The following SGCD variants were observed in gnomAD, a reference collection of about 807,000 sequenced individuals.
SGCD encodes the protein sarcoglycan delta.
SGCD carries 18 observed loss-of-function variants against 36.6 expected under a neutral mutation model. The observed-to-expected ratio is 0.49, with a 90% CI of 0.34 to 0.73. The LOEUF (loss-of-function observed/expected upper bound fraction) is 0.73. Ranked by LOEUF, SGCD falls within the 30% of genes least tolerant of loss-of-function variation. The pLI is 0.01. For missense variants in SGCD, 387 were observed against 346.7 expected, an observed-to-expected ratio of 1.12 and a Z score of -0.92; for synonymous variants, 133 against 130.6, an observed-to-expected ratio of 1.02 and a Z score of -0.12.
chr5:156,332,202 C>T (rs987819232), intron 2 of SGCD, among the ~76,000 whole-genome samples: 1 of 152,220 alleles, frequency 6.6e-6, no homozygotes, highest in Admixed American at 6.5e-5. Flanking sequence ...CTGATACAAA[C>T]AGCAGGTCAT....
chr5:156,425,765 G>A (rs900917889), intron 3 of SGCD, among the ~76,000 whole-genome samples: 4 of 151,682 alleles, frequency 2.6e-5, no homozygotes, highest in Admixed American at 6.6e-5. Flanking sequence ...CTTAGCCTTC[G>A]TATTCTCATA....
upstream of SGCD, among the ~76,000 whole-genome samples, chr5:156,326,289 G>C (rs76169209): frequency 0.036 from 5,408 of 152,234 alleles, 299 homozygotes; most frequent in African/African-American, 0.12. Context: ...TTGAGGGAGT[G>C]TCATCCAGAA....
chr5:156,704,492 T>TG (rs536661327), intron 7 of SGCD, among the ~76,000 whole-genome samples: 333 of 152,170 alleles, frequency 2.2e-3, no homozygotes, highest in African/African-American at 7.7e-3. Context: ...GTGGAAGAGG[T>TG]GGAGCCCCAC....
intron 7 of SGCD, among the ~76,000 whole-genome samples, chr5:156,707,561 T>G (rs918692273): frequency 6.6e-6 from 1 of 152,150 alleles, no homozygotes; most frequent in African/African-American, 2.4e-5. Context: ...AGAAATAAAT[T>G]TGAAATAATG....
At chr5:156,738,007 C>CAAAT (rs1473270930) in intron 7 of SGCD, among the ~76,000 whole-genome samples, 1 of 152,030 alleles carries the variant, frequency 6.6e-6, no homozygotes, top group African/African-American at 2.4e-5. Flanking sequence ...ATGAAAAATC[C>CAAAT]AAATAACATT....
chr5:155,941,574 T>A, intron 1 of SGCD, among the ~76,000 whole-genome samples: 1 of 151,138 alleles, frequency 6.6e-6, no homozygotes, highest in African/African-American at 2.4e-5. Flanking sequence ...CTGTTAATAA[T>A]CAATATTATT....
Position 156,590,775 on chromosome 5 carries a change from C to T in SGCD, c.382+1457C>T, listed in dbSNP as rs185769108. 2.3e-3 allele frequency among the ~76,000 whole-genome samples: 346 copies of T among 151,720 alleles called. 3 individuals carry two copies. The highest frequency in any genetic ancestry group is 6.2e-3 in the Admixed American group (95 of 15,218). Reference sequence around the variant, plus strand: ...CCCCACTCTTCCTCTCCCTTCTCTCCCTACCCTTCTGACACCCCTTTTCCC... The same window carrying T: ...CCCCACTCTTCCTCTCCCTTCTCTCTCTACCCTTCTGACACCCCTTTTCCC... On this transcript the variant is annotated intron_variant, in intron 5 of 8. Transcript: ENST00000337851.
At chr5:156,700,473 A>G (rs1235575034) in intron 7 of SGCD, among the ~76,000 whole-genome samples, 3 of 152,170 alleles carry the variant, frequency 2.0e-5, no homozygotes, top group Admixed American at 1.3e-4. Context: ...TCCAGTTACC[A>G]GGATAAACTG....
chr5:155,800,034 G>A, the SGCD span, among the ~76,000 whole-genome samples: 1 of 151,926 alleles, frequency 6.6e-6, no homozygotes. Context: ...GGCCAGGCTT[G>A]TCTCGAACTC....
At chr5:156,612,766 G>A (rs1761874843) in intron 6 of SGCD, among the ~76,000 whole-genome samples, 1 of 152,196 alleles carries the variant, frequency 6.6e-6, no homozygotes, top group Non-Finnish European at 1.5e-5. Context: ...AGAGCAGCAT[G>A]TACTCTAGCA....
intron 1 of SGCD, among the ~76,000 whole-genome samples, chr5:155,871,816 AAG>A (rs2113276423): frequency 6.6e-6 from 1 of 152,328 alleles, no homozygotes; most frequent in Non-Finnish European, 1.5e-5. Flanking sequence ...TGAAGCTGAC[AAG>A]AGTTAGGTCA....
intron 2 of SGCD, among the ~76,000 whole-genome samples, chr5:156,332,751 G>A (rs1768130409): frequency 1.3e-5 from 2 of 152,144 alleles, no homozygotes; most frequent in South Asian, 4.1e-4. Flanking sequence ...AGCTAAGACT[G>A]AAAACATTAA....
At chr5:156,095,995 C>T (rs1002505207) in intron 1 of SGCD, among the ~76,000 whole-genome samples, 2 of 152,300 alleles carry the variant, frequency 1.3e-5, no homozygotes, top group Admixed American at 1.3e-4. Context: ...CCATTGACTT[C>T]CTCAGATTCC....
chr5:156,408,027 G>A (rs888732041), intron 3 of SGCD, among the ~76,000 whole-genome samples: 21 of 152,230 alleles, frequency 1.4e-4, no homozygotes, highest in African/African-American at 5.1e-4. Context: ...CTCAAAGATG[G>A]TATTATAAAG....
chr5:156,192,535 G>A (rs537229005), intron 3 of SGCD, among the ~76,000 whole-genome samples: 1 of 152,124 alleles, frequency 6.6e-6, no homozygotes, highest in African/African-American at 2.4e-5. Flanking sequence ...CAGATTGAAG[G>A]AATAAGTTCT....
At chr5:156,281,857 A>G (rs1766460857) in intron 3 of SGCD, among the ~76,000 whole-genome samples, 1 of 152,108 alleles carries the variant, frequency 6.6e-6, no homozygotes, top group South Asian at 2.1e-4. Context: ...TCATTACACC[A>G]TAGGCCCTCT....
chr5:156,508,725 A>G (rs1322835694), intron 4 of SGCD, 23 bp downstream of exon 4: 8 of 1,362,966 alleles, frequency 5.9e-6, no homozygotes, highest in Non-Finnish European at 8.3e-6. Context: ...TGAGAGAAGG[A>G]GGCATTATTG....
At chr5:156,668,822 C>A (rs1326149646) in intron 7 of SGCD, among the ~76,000 whole-genome samples, 3 of 152,120 alleles carry the variant, frequency 2.0e-5, no homozygotes, top group Admixed American at 2.0e-4. Flanking sequence ...GATGTCTCTC[C>A]TCTGAGTCAT....
At chr5:155,919,995 CA>C (rs551436136) in intron 1 of SGCD, among the ~76,000 whole-genome samples, 5 of 152,206 alleles carry the variant, frequency 3.3e-5, no homozygotes, top group African/African-American at 1.2e-4. Context: ...GGCATACCTA[CA>C]AAATGAAAAT....
Sources: gnomAD v4.1 joint callset for allele counts (sites outside exome capture counted in the v4.1 genomes callset) on GRCh38, gnomAD v4.1.1 for gene constraint, MANE v1.5 for transcripts, NCBI Gene and HGNC (gene_info 2026-07-23, HGNC 2026-07-21) for gene names.